Variants in SEC24D observed in about 807,000 individuals in gnomAD.
SEC24D encodes the protein protein transport protein Sec24D.
In SEC24D, 69 loss-of-function variants were observed where a neutral mutation model predicts 116.9. The ratio of observed to expected loss-of-function variants is 0.59; its 90% CI spans 0.49 to 0.72. SEC24D has a LOEUF of 0.72. Ranked by LOEUF, SEC24D falls within the 30% of genes least tolerant of loss-of-function variation. The pLI is 0.00. For missense variants in SEC24D, 1,131 were observed against 1,264.1 expected (o/e 0.89, Z 1.60); for synonymous variants, 405 against 442.8 (o/e 0.91, Z 1.07).
intron 8 of SEC24D, among the ~76,000 whole-genome samples, chr4:118,782,667 T>A (rs926388742): frequency 2.0e-5 from 3 of 152,192 alleles, no homozygotes; most frequent in Non-Finnish European, 2.9e-5. Flanking sequence ...TCTGCAGAAG[T>A]TTCTGCTGCC....
At chr4:118,732,614 A>T (rs949754547) in intron 20 of SEC24D, 119 bp downstream of exon 20, 2 of 966,260 alleles carry the variant, frequency 2.1e-6, no homozygotes, top group Non-Finnish European at 3.1e-6. Context: ...TTTTGAAGGC[A>T]TTTGTGACTT....
chr4:118,822,666 G>A (rs1730447347), intron 3 of SEC24D, among the ~76,000 whole-genome samples: 1 of 152,042 alleles, frequency 6.6e-6, no homozygotes, highest in Admixed American at 6.6e-5. Context: ...TGACCTCCTG[G>A]GCTCAAGCAA....
intron 8 of SEC24D, among the ~76,000 whole-genome samples, chr4:118,783,782 G>A (rs1000074748): frequency 6.6e-6 from 1 of 152,180 alleles, no homozygotes; most frequent in Non-Finnish European, 1.5e-5. Flanking sequence ...ATTCCCTTTA[G>A]AGTAGACACC....
Position 118,740,921 on chromosome 4 carries a change from A to T in SEC24D, c.2092+20T>A, listed in dbSNP as rs1726195310. 2 of 1,588,962 alleles carry T rather than the reference A, an allele frequency of 1.3e-6. No individual in the cohort carries two copies. The highest frequency in any genetic ancestry group is 2.7e-5 in the African/African-American group (2 of 73,992). On this transcript the variant is annotated intron_variant, in intron 16 of 22. Coordinates refer to ENST00000280551, the MANE Select transcript of SEC24D (RefSeq NM_014822.4). ...CAATTATTCAAGAGAGACCCGAAGA[A>T]TTGTATAAATGATAATTACCTGTGC...
Position 118,833,738 on chromosome 4 carries a change from C to G in SEC24D, c.-41-1G>C, listed in dbSNP as rs771425826. 7.2e-7 allele frequency: 1 copy of G among 1,388,638 alleles called. No individual in the cohort carries two copies. Among genetic ancestry groups the G allele is most frequent in the African/African-American group, 1.4e-5 (1 of 69,458 alleles). 86.0% of individuals were successfully genotyped at this position (1,388,638 alleles called of 1,614,324 possible). A position where few individuals can be genotyped will look rare whatever the true frequency, so the allele number is the denominator to read the frequency against. On this transcript the variant is annotated splice_acceptor_variant, in intron 1 of 22. Coordinates refer to ENST00000280551, the MANE Select transcript of SEC24D (RefSeq NM_014822.4). LOFTEE classifies it low-confidence loss of function (5UTR_SPLICE). ...CATAGGATAATTCTACAAAAGAAGT[C>G]TGCAACAGAGAAACAAGAAACATGT...
In SEC24D at chr4:118,764,808, A is replaced by G. The variant is rs1302688312; in HGVS notation, c.1290T>C (p.Tyr430=). The change falls in exon 10 of 23, where the codon TAT becomes TAC. Residue 430 remains tyrosine, a synonymous_variant. Coordinates refer to ENST00000280551, the MANE Select transcript of SEC24D (RefSeq NM_014822.4). ...GSYEYVATLD[Y]CRKSKPPNPP... ...AAGTTCTGGGAACACTTACTCTGCA[A>G]TAATCCAAAGTGGCAACATATTCAT... 1 of 1,558,728 alleles carries G rather than the reference A, an allele frequency of 6.4e-7. No individual in the cohort carries two copies. Among genetic ancestry groups the G allele is most frequent in the East Asian group, 2.2e-5 (1 of 44,486 alleles).
chr4:118,824,939 C>T (rs555794995), intron 2 of SEC24D, among the ~76,000 whole-genome samples, 190 bp from the exon 3 acceptor site: 2 of 152,224 alleles, frequency 1.3e-5, no homozygotes, highest in East Asian at 3.9e-4. Context: ...ATTTGACTAT[C>T]ATAATGATGA....
intron 8 of SEC24D, among the ~76,000 whole-genome samples, chr4:118,795,148 G>A (rs2110503078): frequency 6.6e-6 from 1 of 151,482 alleles, no homozygotes; most frequent in East Asian, 1.9e-4. Flanking sequence ...ACTTTCAAAA[G>A]AAAAGACCAA....
chr4:118,795,304 G>A (rs1479721462), intron 8 of SEC24D, among the ~76,000 whole-genome samples: 1 of 151,392 alleles, frequency 6.6e-6, no homozygotes, highest in Non-Finnish European at 1.5e-5. Flanking sequence ...TACCTCCTGG[G>A]TTCAAGCAAT....
At chr4:118,798,411 A>C (rs1045697881) in intron 7 of SEC24D, among the ~76,000 whole-genome samples, 2 of 152,216 alleles carry the variant, frequency 1.3e-5, no homozygotes, top group Non-Finnish European at 2.9e-5. Context: ...TCCTGACCAA[A>C]ATATCTTTAC....
At chr4:118,728,396 T>A (rs1274453011) in intron 22 of SEC24D, among the ~76,000 whole-genome samples, 165 bp downstream of exon 22, 1 of 152,198 alleles carries the variant, frequency 6.6e-6, no homozygotes, top group African/African-American at 2.4e-5. Flanking sequence ...TAGGTAGATA[T>A]ACTTAGAGGT....
At chr4:118,802,224 G>A (rs1560724151) in intron 7 of SEC24D, among the ~76,000 whole-genome samples, 1 of 152,178 alleles carries the variant, frequency 6.6e-6, no homozygotes. Flanking sequence ...GGAACCAAAG[G>A]ACAAGTGGAA....
intron 8 of SEC24D, among the ~76,000 whole-genome samples, chr4:118,790,762 A>G (rs1224374120): frequency 1.3e-5 from 2 of 151,630 alleles, no homozygotes; most frequent in African/African-American, 4.9e-5. Flanking sequence ...GCATGCTTAG[A>G]AATGTTGGAA....
chr4:118,799,856 G>A (rs1729349629), intron 7 of SEC24D, among the ~76,000 whole-genome samples: 1 of 152,190 alleles, frequency 6.6e-6, no homozygotes, highest in African/African-American at 2.4e-5. Context: ...AAGTTTTGCT[G>A]TAGAGGGGTG....
chr4:118,798,248 A>C (rs1729269538), intron 7 of SEC24D, among the ~76,000 whole-genome samples: 1 of 152,194 alleles, frequency 6.6e-6, no homozygotes, highest in African/African-American at 2.4e-5. Flanking sequence ...TTTGTATACT[A>C]TTTCATATTA....
At chr4:118,777,722 C>A (rs1728207172) in intron 8 of SEC24D, among the ~76,000 whole-genome samples, 1 of 152,226 alleles carries the variant, frequency 6.6e-6, no homozygotes, top group Non-Finnish European at 1.5e-5. Flanking sequence ...TTTACACTCC[C>A]ACCAACAGTG....
chr4:118,741,376 G>A lies in SEC24D; in HGVS notation c.1996-339C>T, dbSNP rs180930212. On this transcript the variant is annotated intron_variant, in intron 15 of 22. Coordinates refer to ENST00000280551, the MANE Select transcript of SEC24D (RefSeq NM_014822.4). The stretch of plus-strand genomic sequence containing the variant: ...GGTTAAGACCCAATGTATAATACCC[G>A]TTTAATGAGGCTAGGGAAAGACCTT... Among the ~76,000 whole-genome samples the A allele has an allele frequency of 2.2e-4, 33 of 152,270 alleles. No homozygotes were observed. In the East Asian group the frequency reaches 5.4e-3, roughly 25 times the overall value.
intron 2 of SEC24D, among the ~76,000 whole-genome samples, chr4:118,831,940 C>T (rs1730876895): frequency 6.6e-6 from 1 of 152,092 alleles, no homozygotes; most frequent in South Asian, 2.1e-4. Flanking sequence ...CAATGGCTCA[C>T]ACCTATAATT....
intron 6 of SEC24D, among the ~76,000 whole-genome samples, chr4:118,812,864 G>A (rs947454329): frequency 1.3e-5 from 2 of 152,104 alleles, no homozygotes; most frequent in South Asian, 4.1e-4. Context: ...AGAGCACCCT[G>A]TAACACACGC....
Sources: gnomAD v4.1 joint callset for allele counts (sites outside exome capture counted in the v4.1 genomes callset) on GRCh38, gnomAD v4.1.1 for gene constraint, MANE v1.5 for transcripts, NCBI Gene and HGNC (gene_info 2026-07-23, HGNC 2026-07-21) for gene names.